Variants in SORCS2 observed in about 807,000 individuals in gnomAD.
SORCS2 encodes sortilin related VPS10 domain containing receptor 2, also known as VPS10 domain-containing receptor SorCS2.
Under a neutral mutation model 141.6 loss-of-function variants are expected in SORCS2, and 100 were observed. That is an observed-to-expected ratio of 0.71 (90% CI 0.60 to 0.83). The LOEUF (loss-of-function observed/expected upper bound fraction) is 0.83, where lower values mean the gene tolerates loss of function less well. SORCS2 is among the 40% of genes least tolerant of loss of function. The pLI is 0.00. For synonymous variants in SORCS2, 789 were observed against 676.9 expected, an observed-to-expected ratio of 1.17 and a Z score of -2.57; for missense variants, 1,646 against 1,560.2, an observed-to-expected ratio of 1.05 and a Z score of -0.93.
At chr4:7,590,492 T>C (rs577382362) in intron 3 of SORCS2, among the ~76,000 whole-genome samples, 1 of 152,008 alleles carries the variant, frequency 6.6e-6, no homozygotes, top group East Asian at 1.9e-4. Flanking sequence ...GTCTAGAGAG[T>C]GGACTTCTCC....
At chr4:7,319,523 A>G (rs1418973647) in intron 1 of SORCS2, among the ~76,000 whole-genome samples, 2 of 152,156 alleles carry the variant, frequency 1.3e-5, no homozygotes, top group Non-Finnish European at 2.9e-5. Context: ...TGGACAACAT[A>G]GTGAGATCCT....
In SORCS2 at chr4:7,726,986, C is replaced by T. The variant is rs1727265087; in HGVS notation, c.2869+83C>T. ...AGCCAGGCCACATGGGTCGCGTAAG[C>T]CATGGATGTCCTGGTCACCCTGAGT... On this transcript the variant is annotated intron_variant, in intron 21 of 26. Transcript: ENST00000507866. 27 of 1,487,606 alleles carry T rather than the reference C, an allele frequency of 1.8e-5. No individual in the cohort carries two copies. In the South Asian group the frequency reaches 3.3e-4, roughly 18 times the overall value. 92.2% of individuals were successfully genotyped at this position (1,487,606 alleles called of 1,614,324 possible).
chr4:7,211,959 T>G (rs549806577), intron 1 of SORCS2, among the ~76,000 whole-genome samples: 28 of 152,352 alleles, frequency 1.8e-4, no homozygotes, highest in Non-Finnish European at 1.2e-4. Flanking sequence ...TGGTGTCTGT[T>G]TCTGCATAAT....
At position 7,741,878 on chromosome 4, in the gene SORCS2, C is replaced by T. The variant is rs1375078836; in HGVS notation, c.*1614C>T. 1 of 152,204 alleles carries T rather than the reference C, an allele frequency of 6.6e-6. No homozygotes were observed. The highest frequency in any genetic ancestry group is 1.5e-5 in the Non-Finnish European group (1 of 68,058). The allele number at this position is 152,204 out of a possible 1,614,324, so 9.4% of individuals were successfully genotyped here. A position where few individuals can be genotyped will look rare whatever the true frequency, so the allele number is the denominator to read the frequency against. ...AAAGCCCAGGGGTGAATCTTCACGC[C>T]CCAAACAGTGCCCGGTGGGGAGGAG... is the stretch of plus-strand genomic sequence containing the variant. On this transcript the variant is annotated 3_prime_UTR_variant, in exon 27 of 27. Coordinates refer to ENST00000507866, the MANE Select transcript of SORCS2 (RefSeq NM_020777.3).
chr4:7,572,165 C>G (rs1172851309), intron 3 of SORCS2, among the ~76,000 whole-genome samples: 1 of 152,122 alleles, frequency 6.6e-6, no homozygotes, highest in Non-Finnish European at 1.5e-5. Context: ...TCCTTGGGGC[C>G]AAATATACAA....
At chr4:7,318,068 G>A (rs2878620) in intron 1 of SORCS2, among the ~76,000 whole-genome samples, 89,662 of 152,106 alleles carry the variant, frequency 0.59, 26,507 homozygotes, top group South Asian at 0.72. Context: ...TATCGTGCAA[G>A]GTGATACAGC....
At chr4:7,724,941 ATGGTGGTGGTGT>A (rs1727087001) in intron 19 of SORCS2, among the ~76,000 whole-genome samples, 19 of 63,902 alleles carry the variant, frequency 3.0e-4, no homozygotes, top group Admixed American at 8.2e-4. Flanking sequence ...AGTAGTGGTG[ATGGTGGTGGTGT>A]TGGTGATGGT....
chr4:7,424,915 C>T (rs986738805), intron 2 of SORCS2, among the ~76,000 whole-genome samples: 1 of 152,224 alleles, frequency 6.6e-6, no homozygotes. Flanking sequence ...GAGGGGCAGG[C>T]ACTCTGCTCC....
rs972803822 is a variant in SORCS2, at chr4:7,664,125, C to T, written c.953-228C>T. ...GGGGATGGCAGGCTCCAGAGTAGCA[C>T]GAACACCTTCCTGAGGGTTGAAGGA... On this transcript the variant is annotated intron_variant, in intron 6 of 26. Transcript: ENST00000507866. This position sits in a 1 kb window ranked among gnomAD's most constrained non-coding sequence, Gnocchi z 4.7. 4.6e-5 allele frequency among the ~76,000 whole-genome samples: 7 copies of T among 152,090 alleles called. No individual in the cohort carries two copies. Among genetic ancestry groups the T allele is most frequent in the African/African-American group, 1.7e-4 (7 of 41,398 alleles).
At chr4:7,209,307 G>A (rs1377641623) in intron 1 of SORCS2, among the ~76,000 whole-genome samples, 1 of 152,158 alleles carries the variant, frequency 6.6e-6, no homozygotes, top group African/African-American at 2.4e-5. Context: ...CTTGGGCCTT[G>A]CTTGTCTTCA....
intron 2 of SORCS2, among the ~76,000 whole-genome samples, chr4:7,430,113 G>A (rs1726730842): frequency 6.6e-6 from 1 of 152,164 alleles, no homozygotes; most frequent in Admixed American, 6.5e-5. Context: ...GGAAGTGAAA[G>A]TGGGGGAGGG....
chr4:7,636,158 G>T (rs1304613205), intron 3 of SORCS2, among the ~76,000 whole-genome samples: 4 of 151,994 alleles, frequency 2.6e-5, no homozygotes, highest in African/African-American at 9.6e-5. Flanking sequence ...GCCCCATTCT[G>T]CGTAGGCGCA....
chr4:7,460,202 G>A (rs1729207478), intron 2 of SORCS2: 2 of 154,842 alleles, frequency 1.3e-5, no homozygotes, highest in South Asian at 2.0e-4. Context: ...AGAATCCTGG[G>A]CGGGCCCAAG....
chr4:7,425,934 G>C, intron 2 of SORCS2, among the ~76,000 whole-genome samples: 1 of 152,222 alleles, frequency 6.6e-6, no homozygotes, highest in East Asian at 1.9e-4. Flanking sequence ...AGCCTCTTCT[G>C]GTTACAGAAG....
intron 2 of SORCS2, among the ~76,000 whole-genome samples, chr4:7,400,289 C>T (rs1724488387): frequency 6.6e-6 from 1 of 152,168 alleles, no homozygotes; most frequent in African/African-American, 2.4e-5. Flanking sequence ...ACGGCTGCTG[C>T]CTGGAGTGCA....
intron 3 of SORCS2, among the ~76,000 whole-genome samples, chr4:7,567,874 T>C (rs1259181937): frequency 1.3e-5 from 2 of 152,248 alleles, no homozygotes; most frequent in East Asian, 1.9e-4. Context: ...TCAGCTATAA[T>C]CCAATAGTAC....
At chr4:7,409,915 GT>G (rs373571074) in intron 2 of SORCS2, among the ~76,000 whole-genome samples, 3 of 152,170 alleles carry the variant, frequency 2.0e-5, no homozygotes, top group Non-Finnish European at 2.9e-5. Context: ...AAGTCTCCTT[GT>G]TTTTTTCTGT....
intron 2 of SORCS2, among the ~76,000 whole-genome samples, chr4:7,475,643 TC>T (rs1221740312): frequency 6.6e-6 from 1 of 152,204 alleles, no homozygotes; most frequent in Non-Finnish European, 1.5e-5. Context: ...GAATCAGAAC[TC>T]GTGACTGTGT....
At chr4:7,668,779 C>A (rs1296571938) in intron 8 of SORCS2, among the ~76,000 whole-genome samples, 1 of 152,208 alleles carries the variant, frequency 6.6e-6, no homozygotes, top group Non-Finnish European at 1.5e-5. Context: ...ACCTTTTCAG[C>A]ATCTGGGAAG....
Sources: gnomAD v4.1 joint callset for allele counts (sites outside exome capture counted in the v4.1 genomes callset) on GRCh38, gnomAD v4.1.1 for gene constraint, Gnocchi (gnomAD v3.1) non-coding constraint, MANE v1.5 for transcripts, NCBI Gene and HGNC (gene_info 2026-07-23, HGNC 2026-07-21) for gene names.